Variants in AUTS2 observed in about 807,000 individuals in gnomAD.
AUTS2 encodes the protein activator of transcription and developmental regulator AUTS2.
A neutral mutation model predicts 112.4 loss-of-function variants in AUTS2; 17 were observed. The ratio of observed to expected loss-of-function variants is 0.15; its 90% CI spans 0.10 to 0.23. The LOEUF (loss-of-function observed/expected upper bound fraction) is 0.23, where lower values mean the gene tolerates loss of function less well. Ranked by LOEUF, AUTS2 falls within the 10% of genes least tolerant of loss-of-function variation. The pLI is 1.00. For missense variants in AUTS2, 1,510 were observed against 1,701.6 expected (o/e 0.89, Z 1.98); for synonymous variants, 751 against 702.7 (o/e 1.07, Z -1.09).
chr7:69,648,366 G>C (rs1246790500), intron 1 of AUTS2, among the ~76,000 whole-genome samples: 1 of 152,042 alleles, frequency 6.6e-6, no homozygotes, highest in African/African-American at 2.4e-5. Context: ...TGGAAAGCCT[G>C]GGGTGTTTGT....
chr7:69,880,544 A>G (rs940135002), intron 1 of AUTS2, among the ~76,000 whole-genome samples: 2 of 152,174 alleles, frequency 1.3e-5, no homozygotes, highest in African/African-American at 2.4e-5. Context: ...GACTAAGGCA[A>G]TCTCAAAGGA....
At chr7:70,720,907 TG>T (rs1786609808) in intron 6 of AUTS2, among the ~76,000 whole-genome samples, 1 of 152,044 alleles carries the variant, frequency 6.6e-6, no homozygotes, top group Admixed American at 6.6e-5. Context: ...AACTGTAAAG[TG>T]AAAAGGTCTT....
At chr7:70,222,750 A>G (rs1399604732) in intron 4 of AUTS2, among the ~76,000 whole-genome samples, 2 of 152,198 alleles carry the variant, frequency 1.3e-5, no homozygotes, top group Admixed American at 6.5e-5. Flanking sequence ...CATCTAGTAC[A>G]GTATACAGTA....
chr7:70,078,872 T>A (rs1018109508), intron 2 of AUTS2, among the ~76,000 whole-genome samples: 6 of 152,250 alleles, frequency 3.9e-5, no homozygotes, highest in African/African-American at 1.2e-4. Context: ...TCGTCTGCTC[T>A]CATGTTTTCA....
At chr7:70,110,629 C>A (rs1307327255) in intron 2 of AUTS2, among the ~76,000 whole-genome samples, 6 of 152,142 alleles carry the variant, frequency 3.9e-5, no homozygotes, top group Admixed American at 3.3e-4. Flanking sequence ...GCTGGAAGCA[C>A]TTCAGTCGTT....
At chr7:70,280,968 C>A (rs1788187043) in intron 4 of AUTS2, among the ~76,000 whole-genome samples, 1 of 152,034 alleles carries the variant, frequency 6.6e-6, no homozygotes, top group East Asian at 1.9e-4. Context: ...ATGGACCTGG[C>A]AAATAGTGTA....
intron 1 of AUTS2, among the ~76,000 whole-genome samples, chr7:69,787,718 A>G (rs1187379882): frequency 6.6e-6 from 1 of 151,962 alleles, no homozygotes; most frequent in African/African-American, 2.4e-5. Flanking sequence ...TACCCAGCTA[A>G]TTTTTGAAGC....
intron 5 of AUTS2, among the ~76,000 whole-genome samples, chr7:70,629,661 A>G (rs911467720): frequency 6.6e-6 from 1 of 152,080 alleles, no homozygotes; most frequent in Non-Finnish European, 1.5e-5. Flanking sequence ...TGAGCTGACC[A>G]TATAAGCTGA....
chr7:70,325,582 G>A (rs1002847559), intron 4 of AUTS2, among the ~76,000 whole-genome samples: 2 of 152,186 alleles, frequency 1.3e-5, no homozygotes, highest in Admixed American at 1.3e-4. Flanking sequence ...AATATATTCA[G>A]AAGGTAGAAT....
chr7:69,942,894 C>G (rs1796679922), intron 2 of AUTS2, among the ~76,000 whole-genome samples: 1 of 152,212 alleles, frequency 6.6e-6, no homozygotes, highest in Non-Finnish European at 1.5e-5. Flanking sequence ...AAAACTGACA[C>G]TAGAATTATT....
At chr7:69,698,967 T>C (rs1330709381) in intron 1 of AUTS2, among the ~76,000 whole-genome samples, 3 of 152,162 alleles carry the variant, frequency 2.0e-5, no homozygotes, top group African/African-American at 7.2e-5. Flanking sequence ...ATATATTTTT[T>C]CCTATGTTTA....
intron 4 of AUTS2, among the ~76,000 whole-genome samples, chr7:70,152,915 G>A (rs773246648): frequency 1.3e-5 from 2 of 152,086 alleles, no homozygotes; most frequent in East Asian, 3.9e-4. Context: ...ACACTAGTGG[G>A]AATATAAAAT....
chr7:70,270,258 C>T (rs1787627686), intron 4 of AUTS2, among the ~76,000 whole-genome samples: 1 of 151,948 alleles, frequency 6.6e-6, no homozygotes, highest in Non-Finnish European at 1.5e-5. Flanking sequence ...ATGGCAGGTC[C>T]CAGCAAATAA....
intron 2 of AUTS2, among the ~76,000 whole-genome samples, chr7:69,991,932 C>G (rs560069111): frequency 6.6e-6 from 1 of 152,272 alleles, no homozygotes; most frequent in East Asian, 1.9e-4. Context: ...CATACCTCCT[C>G]TGTACTATAC....
chr7:70,472,983 C>G (rs958753085), intron 5 of AUTS2, among the ~76,000 whole-genome samples: 1 of 152,326 alleles, frequency 6.6e-6, no homozygotes, highest in East Asian at 1.9e-4. Context: ...GTATGTCCTT[C>G]CTGAGGCTCT....
chr7:70,524,188 T>C (rs918836634), intron 5 of AUTS2, among the ~76,000 whole-genome samples: 1 of 152,026 alleles, frequency 6.6e-6, no homozygotes, highest in Non-Finnish European at 1.5e-5. Flanking sequence ...TTGTGTTAGG[T>C]AGAGAGAAAA....
At chr7:69,828,730 T>G (rs1278848978) in intron 1 of AUTS2, among the ~76,000 whole-genome samples, 1 of 152,176 alleles carries the variant, frequency 6.6e-6, no homozygotes. Context: ...TCCAGTGTTC[T>G]CATACTTTGC....
intron 1 of AUTS2, among the ~76,000 whole-genome samples, chr7:69,736,357 G>A (rs1372520891): frequency 6.6e-6 from 1 of 152,174 alleles, no homozygotes; most frequent in Admixed American, 6.5e-5. Flanking sequence ...CCTATTGGCT[G>A]ATTTGCTTTG....
At chr7:70,727,807 T>TG (rs1787125530) in intron 6 of AUTS2, among the ~76,000 whole-genome samples, 1 of 152,246 alleles carries the variant, frequency 6.6e-6, no homozygotes, top group Non-Finnish European at 1.5e-5. Context: ...ATCCTACTCC[T>TG]GGGCAGAAGT....
Sources: allele counts gnomAD v4.1 joint callset (sites outside exome capture counted in the v4.1 genomes callset), GRCh38; gene constraint gnomAD v4.1.1; transcripts MANE v1.5; gene names NCBI Gene and HGNC (gene_info 2026-07-23, HGNC 2026-07-21).